PKD1L1: variants seen among roughly 807,000 people sequenced by gnomAD.
PKD1L1 encodes polycystin 1 like 1, transient receptor potential channel interacting.
In PKD1L1, 236 loss-of-function variants were observed where a neutral mutation model predicts 323.4. The ratio of observed to expected loss-of-function variants is 0.73; its 90% CI spans 0.66 to 0.81. The LOEUF (loss-of-function observed/expected upper bound fraction) is 0.81, where lower values mean the gene tolerates loss of function less well. Among genes scored for constraint, PKD1L1 ranks in the 40% least tolerant of loss-of-function variants. The probability of loss-of-function intolerance (pLI) is 0.00; values close to 1 mark genes in which losing one functional copy is unlikely to be tolerated. For synonymous variants in PKD1L1, 1,344 were observed against 1,335.0 expected, an observed-to-expected ratio of 1.01 and a Z score of -0.15; for missense variants, 3,320 against 3,508.0, an observed-to-expected ratio of 0.95 and a Z score of 1.35.
chr7:47,839,797 T>C lies in PKD1L1; in HGVS notation c.5553-135A>G. The C allele has an allele frequency of 3.5e-6, 3 of 868,076 alleles. No homozygotes were observed. Among genetic ancestry groups the C allele is most frequent in the African/African-American group, 1.7e-5 (1 of 59,784 alleles). 53.8% of individuals were successfully genotyped at this position (868,076 alleles called of 1,614,324 possible). On this transcript the variant is annotated intron_variant, in intron 35 of 56. Coordinates refer to ENST00000289672, the MANE Select transcript of PKD1L1 (RefSeq NM_138295.5). The surrounding 1 kb of genome is among the most constrained non-coding windows in gnomAD (Gnocchi z 4.3). Reference sequence around the variant, plus strand: ...TGGGACATGTCAAAGGTGACTGACATGCAGAGTGACATGTGAAGCCCCCTG... The same window carrying C: ...TGGGACATGTCAAAGGTGACTGACACGCAGAGTGACATGTGAAGCCCCCTG...
At chr7:47,815,789 G>C (rs1785003655) in intron 46 of PKD1L1, among the ~76,000 whole-genome samples, 1 of 152,142 alleles carries the variant, frequency 6.6e-6, no homozygotes, top group Admixed American at 6.5e-5. Flanking sequence ...CCCTCCTATG[G>C]GGAAACAGGC....
chr7:47,837,051 A>T lies in PKD1L1; in HGVS notation c.5813T>A (p.Val1938Asp). 6.2e-7 allele frequency: 1 copy of T among 1,614,210 alleles called. No individual in the cohort carries two copies. Among genetic ancestry groups the T allele is most frequent in the Non-Finnish European group, 8.5e-7 (1 of 1,180,036 alleles). The change falls in exon 37 of 57, where the codon GTC becomes GAC. Residue 1938 changes from valine to aspartate, a missense_variant. Coordinates refer to ENST00000289672, the MANE Select transcript of PKD1L1 (RefSeq NM_138295.5). The stretch of plus-strand genomic sequence containing the variant: ...GGGCCTGCTGTACACCGACAGCCAG[A>T]CATGGAAATCCTCCAGGTACTCTGT... Reference protein sequence around the residue: ...KFTEYLEDFHVWLSVYSRPSS... With the variant: ...KFTEYLEDFHDWLSVYSRPSS...
At chr7:47,880,284 ATTTT>A (rs35198089) in intron 21 of PKD1L1, among the ~76,000 whole-genome samples, 3 of 56,818 alleles carry the variant, frequency 5.3e-5, no homozygotes, top group Non-Finnish European at 8.5e-5. Context: ...ATATATATAT[ATTTT>A]TTTTTTTTTT....
At chr7:47,873,098 A>T (rs1478590717) in intron 24 of PKD1L1, among the ~76,000 whole-genome samples, 1 of 152,186 alleles carries the variant, frequency 6.6e-6, no homozygotes, top group Non-Finnish European at 1.5e-5. Context: ...ATTTATATGA[A>T]ATTTTCAGAA....
intron 30 of PKD1L1, among the ~76,000 whole-genome samples, chr7:47,854,220 T>A (rs1785848162): frequency 6.6e-6 from 1 of 152,154 alleles, no homozygotes; most frequent in African/African-American, 2.4e-5. Context: ...ACGAGAACCC[T>A]TTAATCTAGT....
rs180841854 is a variant in PKD1L1 at position 47,810,422 on chromosome 7, C to T, written c.7582-845G>A. Among the ~76,000 whole-genome samples, 36 of 152,368 alleles carry T rather than the reference C, an allele frequency of 2.4e-4. No individual in the cohort carries two copies. The East Asian group carries it at 5.8e-3, about 24-fold the overall frequency. ...TGTTTATAAATATTGCACCAGAATACTGTTCACCTTGATTACCAAGTATTT... is the reference window on the plus strand; with the variant it reads ...TGTTTATAAATATTGCACCAGAATATTGTTCACCTTGATTACCAAGTATTT... On this transcript the variant is annotated intron_variant, in intron 50 of 56. Transcript: ENST00000289672.
the PKD1L1 span, among the ~76,000 whole-genome samples, chr7:47,954,829 C>T: frequency 6.6e-6 from 1 of 152,192 alleles, no homozygotes; most frequent in African/African-American, 2.4e-5. Context: ...CAGACTAGGA[C>T]GCTGGAAAGA....
intron 56 of PKD1L1, among the ~76,000 whole-genome samples, chr7:47,783,915 G>T (rs1786751217): frequency 6.6e-6 from 1 of 152,172 alleles, no homozygotes; most frequent in East Asian, 1.9e-4. Flanking sequence ...ACCTCAAAAA[G>T]AAGCCAGCCG....
At position 47,792,747 on chromosome 7, in the gene PKD1L1, C is replaced by T. The variant is rs1221998445; in HGVS notation, c.8406G>A (p.Lys2802=). 1 of 1,614,070 alleles carries T rather than the reference C, an allele frequency of 6.2e-7. No individual in the cohort carries two copies. Among genetic ancestry groups the T allele is most frequent in the African/African-American group, 1.3e-5 (1 of 75,028 alleles). Residue 2802 remains lysine, a synonymous_variant, in exon 56 of 57, where the codon AAG becomes AAA. Transcript: ENST00000289672. ...FANLLDELLM[K]INGLSDSLQL... Reference sequence around the variant, plus strand: ...GTAGGCTGTCGGACAAACCATTAATCTTCATCAGAAGTTCGTCTAACAGAT... The same window carrying T: ...GTAGGCTGTCGGACAAACCATTAATTTTCATCAGAAGTTCGTCTAACAGAT...
chr7:47,819,896 T>C (rs1265429160), intron 46 of PKD1L1: 1 of 248,444 alleles, frequency 4.0e-6, no homozygotes, highest in African/African-American at 2.4e-5. Flanking sequence ...CCAAAAAGTA[T>C]TTACGTCAAA....
the PKD1L1 span, among the ~76,000 whole-genome samples, chr7:47,960,232 C>T: frequency 2.0e-5 from 3 of 149,744 alleles, no homozygotes; most frequent in African/African-American, 2.5e-5. Context: ...ACAAACACTG[C>T]GGAAGGCCGC....
intron 56 of PKD1L1, among the ~76,000 whole-genome samples, chr7:47,786,507 A>G (rs1786810568): frequency 6.6e-6 from 1 of 151,992 alleles, no homozygotes; most frequent in African/African-American, 2.4e-5. Context: ...AAACCATCTC[A>G]CCTTCCTCCT....
At position 47,845,218 on chromosome 7, in the gene PKD1L1, A is replaced by T. The variant is rs1785641234; in HGVS notation, c.5154-140T>A. The T allele has an allele frequency of 7.7e-6, 5 of 649,262 alleles. No homozygotes were observed. In the Admixed American group the frequency reaches 1.7e-4, roughly 23 times the overall value. The allele number at this position is 649,262 out of a possible 1,614,324, so 40.2% of individuals were successfully genotyped here. On this transcript the variant is annotated intron_variant, in intron 32 of 56. Transcript: ENST00000289672. ...ACTTTATGACTAAGACCCAGTTTAA[A>T]AGATTCACCTGACACCTAAGTTAGA...
chr7:47,916,282 C>T (rs1787427925), intron 7 of PKD1L1, among the ~76,000 whole-genome samples: 1 of 152,214 alleles, frequency 6.6e-6, no homozygotes, highest in South Asian at 2.1e-4. Flanking sequence ...AGGATTTTGG[C>T]ATTTAGAATC....
intron 24 of PKD1L1, among the ~76,000 whole-genome samples, chr7:47,871,721 C>T (rs1280051046): frequency 6.6e-6 from 1 of 152,094 alleles, no homozygotes; most frequent in Non-Finnish European, 1.5e-5. Flanking sequence ...AAATCCAATA[C>T]GTTTTTATAA....
In PKD1L1 at chr7:47,842,948, G is replaced by A. The variant is rs1785591710; in HGVS notation, c.5445+14C>T. The A allele has an allele frequency of 3.1e-6, 5 of 1,607,708 alleles. No homozygotes were observed. The highest frequency in any genetic ancestry group is 4.2e-6 in the Non-Finnish European group (5 of 1,176,956). ...TAGACACCATCAAAGAGTACCCCCA[G>A]ATGCTCGAGCTACCTTTGAGGTCAA... On this transcript the variant is annotated intron_variant, in intron 34 of 56. Transcript: ENST00000289672.
At chr7:47,844,179 T>C (rs989053760) in intron 33 of PKD1L1, among the ~76,000 whole-genome samples, 26 of 152,350 alleles carry the variant, frequency 1.7e-4, no homozygotes, top group Admixed American at 1.6e-3. Flanking sequence ...TTCTGAGCCC[T>C]GATCACTGAA....
intron 39 of PKD1L1, 44 bp from the exon 40 acceptor site, chr7:47,834,429 G>A (rs758822827): frequency 3.9e-5 from 60 of 1,520,542 alleles, no homozygotes; most frequent in Middle Eastern, 1.7e-4. Context: ...GCTTTGGGGT[G>A]ATACATTTAA....
intron 26 of PKD1L1, among the ~76,000 whole-genome samples, chr7:47,862,536 TG>T (rs1786055710): frequency 6.6e-6 from 1 of 152,052 alleles, no homozygotes; most frequent in Admixed American, 6.5e-5. Flanking sequence ...GACATTCCAG[TG>T]GGGGAAGAGC....
Sources: allele counts gnomAD v4.1 joint callset (sites outside exome capture counted in the v4.1 genomes callset), GRCh38; gene constraint gnomAD v4.1.1; non-coding constraint Gnocchi (gnomAD v3.1); transcripts MANE v1.5; gene names NCBI Gene and HGNC (gene_info 2026-07-23, HGNC 2026-07-21).